The following ATG2B variants were observed in gnomAD, a reference collection of about 807,000 sequenced individuals.
ATG2B encodes autophagy-related protein 2 homolog B.
ATG2B carries 121 observed loss-of-function variants against 241.3 expected under a neutral mutation model. The observed-to-expected ratio is 0.50, with a 90% CI of 0.43 to 0.58. The LOEUF (loss-of-function observed/expected upper bound fraction) is 0.58. ATG2B is among the 20% of genes least tolerant of loss of function. The pLI is 0.00. For missense variants in ATG2B, 2,306 were observed against 2,491.6 expected (o/e 0.93, Z 1.59); for synonymous variants, 858 against 876.6 (o/e 0.98, Z 0.37).
chr14:96,328,962 T>C (rs925686961), intron 12 of ATG2B, among the ~76,000 whole-genome samples, 196 bp from the exon 13 acceptor site: 13 of 152,122 alleles, frequency 8.5e-5, no homozygotes, highest in African/African-American at 3.1e-4. Flanking sequence ...TAGGCGAGGA[T>C]TCAAATAAAT....
chr14:96,312,001 C>A, intron 26 of ATG2B, 88 bp downstream of exon 26: 1 of 944,274 alleles, frequency 1.1e-6, no homozygotes, highest in South Asian at 1.4e-5. Flanking sequence ...AGTTCACTAG[C>A]ATTATCCCAG....
At chr14:96,355,700 A>G (rs1888454045) in intron 1 of ATG2B, among the ~76,000 whole-genome samples, 1 of 152,208 alleles carries the variant, frequency 6.6e-6, no homozygotes, top group Non-Finnish European at 1.5e-5. Context: ...ACCTAGTACA[A>G]TGATGAGCTC....
At chr14:96,340,054 T>G (rs1887969872) in intron 6 of ATG2B, among the ~76,000 whole-genome samples, 1 of 121,992 alleles carries the variant, frequency 8.2e-6, no homozygotes, top group African/African-American at 2.7e-5. Flanking sequence ...ATGATATATA[T>G]GAATATATGC....
intron 1 of ATG2B, among the ~76,000 whole-genome samples, chr14:96,360,954 A>AAG (rs1888611927): frequency 6.6e-6 from 1 of 150,988 alleles, no homozygotes; most frequent in African/African-American, 2.4e-5. Context: ...AAAAAAAAAA[A>AAG]TCAAGTGTGA....
At chr14:96,355,305 T>C (rs1888444614) in intron 1 of ATG2B, among the ~76,000 whole-genome samples, 2 of 152,208 alleles carry the variant, frequency 1.3e-5, no homozygotes, top group Admixed American at 6.5e-5. Context: ...CTTGAGCTGA[T>C]TTTTGTATAT....
intron 36 of ATG2B, among the ~76,000 whole-genome samples, chr14:96,294,406 G>T (rs1313143136): frequency 6.6e-6 from 1 of 152,220 alleles, no homozygotes; most frequent in Non-Finnish European, 1.5e-5. Flanking sequence ...GGAAACTGCA[G>T]TGTGCTGTGC....
chr14:96,325,596 T>C, intron 15 of ATG2B, 53 bp downstream of exon 15: 1 of 1,511,576 alleles, frequency 6.6e-7, no homozygotes, highest in African/African-American at 1.4e-5. Flanking sequence ...TAAGTTTCAG[T>C]AGCAGTTGTT....
chr14:96,315,328 T>C (rs1165338476), intron 22 of ATG2B, 56 bp downstream of exon 22: 3 of 1,588,776 alleles, frequency 1.9e-6, no homozygotes, highest in Non-Finnish European at 2.6e-6. Context: ...GCCTTTTATG[T>C]AATTATTTTT....
chr14:96,311,384 T>G, intron 27 of ATG2B, 97 bp from the exon 28 acceptor site: 1 of 1,269,228 alleles, frequency 7.9e-7, no homozygotes, highest in Non-Finnish European at 1.1e-6. Flanking sequence ...TTCATGATAA[T>G]CTGTCTCGCT....
At chr14:96,352,182 G>A (rs1056350099) in intron 1 of ATG2B, among the ~76,000 whole-genome samples, 9 of 152,130 alleles carry the variant, frequency 5.9e-5, no homozygotes, top group African/African-American at 1.9e-4. Flanking sequence ...ATAAGGCAAT[G>A]TAGCACAACA....
rs1251422307 is a variant in ATG2B, at chr14:96,295,035, T to A, written c.5351A>T (p.Glu1784Val). The A allele has an allele frequency of 1.2e-6, 2 of 1,614,092 alleles. No individual in the cohort carries two copies. Among genetic ancestry groups the A allele is most frequent in the Admixed American group, 1.7e-5 (1 of 60,008 alleles). The stretch of plus-strand genomic sequence containing the variant: ...CTTCTCTTCCATGCCATTAACCACT[T>A]CCACTGAATTGGCACTATCATTTTG... ...PSQNDSANSV[E>V]VVNGMEEKNF... Residue 1784 changes from glutamate to valine, a missense_variant, in exon 36 of 42, where the codon GAA becomes GTA. Around this residue, in one of 2 missense-constraint regions of ATG2B, gnomAD observed 379 missense variants for 480.4 expected, o/e 0.79. Transcript: ENST00000359933.
rs781213450 is a variant in ATG2B, at chr14:96,329,459, TAAAGAA to T, written c.1881+19_1881+24del. The T allele has an allele frequency of 1.5e-5, 22 of 1,498,442 alleles. No homozygotes were observed. Among genetic ancestry groups the T allele is most frequent in the African/African-American group, 5.7e-5 (4 of 70,404 alleles). 92.8% of individuals were successfully genotyped at this position (1,498,442 alleles called of 1,614,324 possible). A position where few individuals can be genotyped will look rare whatever the true frequency, so the allele number is the denominator to read the frequency against. On this transcript the variant is annotated intron_variant, in intron 12 of 41. Coordinates refer to ENST00000359933, the MANE Select transcript of ATG2B (RefSeq NM_018036.7). ...GCAAGGTAGATTTAAAAAATAATCT[TAAAGAA>T]AAAGTATTCAATATTTACCTCTGTA...
rs537505560 is a variant in ATG2B, at chr14:96,280,564, A to G, written c.*5191T>C. ...GTTATATAGTCACATCTGTCACAAC[A>G]AAATCTTTTAAAGTAAATTGCCCTT... is the stretch of plus-strand genomic sequence containing the variant. On this transcript the variant is annotated 3_prime_UTR_variant, in exon 42 of 42. Coordinates refer to ENST00000359933, the MANE Select transcript of ATG2B (RefSeq NM_018036.7). 3.3e-5 allele frequency: 5 copies of G among 152,208 alleles called. No homozygotes were observed. The highest frequency in any genetic ancestry group is 6.5e-5 in the Admixed American group (1 of 15,302). The allele number at this position is 152,208 out of a possible 1,614,324, so 9.4% of individuals were successfully genotyped here.
At chr14:96,333,615 C>T in intron 8 of ATG2B, 73 bp downstream of exon 8, 1 of 1,409,066 alleles carries the variant, frequency 7.1e-7, no homozygotes, top group African/African-American at 1.5e-5. Context: ...CTGTTCACAG[C>T]AGCCAAAATT....
Position 96,331,550 on chromosome 14 carries a change from A to G in ATG2B, c.1556T>C (p.Leu519Pro), listed in dbSNP as rs1367225553. The change falls in exon 11 of 42, where the codon CTT becomes CCT. Residue 519 changes from leucine (L) to proline (P), a missense_variant. Transcript: ENST00000359933. ...AGGTGGAGATAAAGGATCAATGTGA[A>G]GCACAGAGATTGAAAAAGTTCCCAC... ...LAVGTFSISV[L>P]HIDPLSPPET... The G allele has an allele frequency of 6.2e-7, 1 of 1,614,164 alleles. No homozygotes were observed. Among genetic ancestry groups the G allele is most frequent in the Non-Finnish European group, 8.5e-7 (1 of 1,179,992 alleles).
At chr14:96,351,197 G>A (rs998632740) in intron 1 of ATG2B, among the ~76,000 whole-genome samples, 13 of 152,258 alleles carry the variant, frequency 8.5e-5, no homozygotes, top group South Asian at 4.1e-4. Flanking sequence ...AATGTGTGCC[G>A]AGCCCTGCTG....
chr14:96,304,642 AGG>A, intron 31 of ATG2B, 39 bp from the exon 32 acceptor site: 2 of 1,447,538 alleles, frequency 1.4e-6, no homozygotes, highest in Non-Finnish European at 1.9e-6. Context: ...CTTTTGTTAA[AGG>A]AATATTCAAA....
At chr14:96,297,293 TAA>T (rs142896282) in intron 34 of ATG2B, among the ~76,000 whole-genome samples, 11 of 143,332 alleles carry the variant, frequency 7.7e-5, no homozygotes, top group Admixed American at 1.4e-4. Flanking sequence ...ATTTCCTCTT[TAA>T]AAAAAAAAAA....
At chr14:96,338,483 A>G (rs369191299) in intron 6 of ATG2B, among the ~76,000 whole-genome samples, 9 of 152,144 alleles carry the variant, frequency 5.9e-5, no homozygotes, top group African/African-American at 1.9e-4. Flanking sequence ...TTTTGTTGAG[A>G]GTTTTTATCA....
Sources: gnomAD v4.1 joint callset for allele counts (sites outside exome capture counted in the v4.1 genomes callset) on GRCh38, gnomAD v4.1.1 for gene constraint, gnomAD v4.1.1 regional missense constraint, MANE v1.5 for transcripts, NCBI Gene and HGNC (gene_info 2026-07-23, HGNC 2026-07-21) for gene names.